RIMKLA: variants seen among roughly 807,000 people sequenced by gnomAD.
RIMKLA encodes the protein ribosomal modification protein rimK like family member A, also known as N-acetylaspartylglutamate synthase A.
A neutral mutation model predicts 32.7 loss-of-function variants in RIMKLA; 14 were observed. The observed-to-expected ratio is 0.43, with a 90% CI of 0.28 to 0.67. The LOEUF is 0.67. Among genes scored for constraint, RIMKLA ranks in the 30% least tolerant of loss-of-function variants. RIMKLA has a pLI of 0.18. For synonymous variants in RIMKLA, 176 were observed against 204.1 expected (o/e 0.86, Z 1.18); for missense variants, 410 against 519.0 (o/e 0.79, Z 2.04).
At chr1:42,412,566 C>T (rs1315536765) in intron 4 of RIMKLA, 3 of 494,182 alleles carry the variant, frequency 6.1e-6, no homozygotes, top group East Asian at 5.8e-5. Flanking sequence ...GCACATCAGA[C>T]TGGGGCTGTT....
intron 4 of RIMKLA, among the ~76,000 whole-genome samples, chr1:42,413,087 T>A (rs983157484): frequency 6.6e-6 from 1 of 151,892 alleles, no homozygotes; most frequent in African/African-American, 2.4e-5. Flanking sequence ...TGAGCCGAGA[T>A]CGTGCCATTG....
intron 3 of RIMKLA, among the ~76,000 whole-genome samples, chr1:42,408,142 A>G (rs1430471661): frequency 6.6e-6 from 1 of 152,156 alleles, no homozygotes; most frequent in African/African-American, 2.4e-5. Flanking sequence ...GAAGACAGGG[A>G]ACACTGATGC....
At chr1:42,395,166 C>T (rs1211650319) in intron 1 of RIMKLA, among the ~76,000 whole-genome samples, 1 of 152,070 alleles carries the variant, frequency 6.6e-6, no homozygotes, top group Non-Finnish European at 1.5e-5. Flanking sequence ...ATAGAGAATT[C>T]AAAAGGAAAT....
intron 1 of RIMKLA, among the ~76,000 whole-genome samples, chr1:42,383,828 C>A (rs1329883283): frequency 6.6e-6 from 1 of 152,160 alleles, no homozygotes; most frequent in African/African-American, 2.4e-5. Flanking sequence ...TAATTTCTAG[C>A]CCAGTGATAT....
intron 1 of RIMKLA, chr1:42,396,497 C>T (rs542440534): frequency 4.6e-5 from 7 of 152,272 alleles, no homozygotes; most frequent in African/African-American, 1.4e-4. Context: ...GAGATGAAGT[C>T]CTGGTAAGAC....
chr1:42,404,155 C>T (rs1643124540), intron 2 of RIMKLA, among the ~76,000 whole-genome samples: 1 of 152,186 alleles, frequency 6.6e-6, no homozygotes, highest in Admixed American at 6.5e-5. Context: ...TTGGTCCCTT[C>T]CACACTTAGA....
intron 1 of RIMKLA, among the ~76,000 whole-genome samples, chr1:42,393,213 T>A (rs1643014922): frequency 1.1e-5 from 1 of 90,766 alleles, no homozygotes; most frequent in Non-Finnish European, 2.4e-5. Context: ...TGCACTTAAA[T>A]CCTGTCTGAG....
chr1:42,385,229 C>G (rs1642926059), intron 1 of RIMKLA, among the ~76,000 whole-genome samples: 1 of 152,134 alleles, frequency 6.6e-6, no homozygotes, highest in Non-Finnish European at 1.5e-5. Flanking sequence ...GAGACTTTTA[C>G]TGCAATGAGC....
chr1:42,381,202 G>A (rs1570310790), intron 1 of RIMKLA, 105 bp downstream of exon 1: 1 of 844,854 alleles, frequency 1.2e-6, no homozygotes, highest in Non-Finnish European at 1.6e-6. Context: ...TCTCCTTCGG[G>A]CCCGCACACT....
rs751558134 is a variant in RIMKLA, at chr1:42,415,061, A to T, written c.*87A>T. ...ATAAAATCTGGACTAATGTGATTTC[A>T]TTTGCACAGAAACTAGAAATCCCAT... On this transcript the variant is annotated 3_prime_UTR_variant, in exon 5 of 5. Coordinates refer to ENST00000431473, the MANE Select transcript of RIMKLA (RefSeq NM_173642.4). 5.8e-6 allele frequency: 8 copies of T among 1,375,030 alleles called. No homozygotes were observed. The highest frequency in any genetic ancestry group is 2.3e-5 in the Admixed American group (1 of 44,078). The allele number at this position is 1,375,030 out of a possible 1,614,324, so 85.2% of individuals were successfully genotyped here.
intron 1 of RIMKLA, among the ~76,000 whole-genome samples, chr1:42,391,297 A>G (rs533483466): frequency 1.8e-4 from 28 of 152,186 alleles, no homozygotes; most frequent in Non-Finnish European, 3.2e-4. Context: ...TAAAGCTTCA[A>G]GAACAGAGGG....
intron 1 of RIMKLA, among the ~76,000 whole-genome samples, chr1:42,385,596 G>A (rs1642928900): frequency 6.6e-6 from 1 of 152,040 alleles, no homozygotes; most frequent in South Asian, 2.1e-4. Flanking sequence ...TTTAGTTTAT[G>A]TTTCTAACAG....
At chr1:42,397,331 TC>T (rs1643056199) in intron 1 of RIMKLA, among the ~76,000 whole-genome samples, 1 of 152,184 alleles carries the variant, frequency 6.6e-6, no homozygotes, top group African/African-American at 2.4e-5. Context: ...AGCACCCTTT[TC>T]CCCCTAGAAT....
chr1:42,415,810 T>C lies in RIMKLA; in HGVS notation c.*836T>C, dbSNP rs1557759739. 6.6e-6 allele frequency: 1 copy of C among 152,214 alleles called. No homozygotes were observed. The highest frequency in any genetic ancestry group is 1.5e-5 in the Non-Finnish European group (1 of 68,042). The allele number at this position is 152,214 out of a possible 1,614,324, so 9.4% of individuals were successfully genotyped here. A position where few individuals can be genotyped will look rare whatever the true frequency, so the allele number is the denominator to read the frequency against. ...GGACTTTGTTTTTCAATGGACTCTG[T>C]TCACTTGTCATCCAGAAGCCAGTGG... On this transcript the variant is annotated 3_prime_UTR_variant, in exon 5 of 5. Coordinates refer to ENST00000431473, the MANE Select transcript of RIMKLA (RefSeq NM_173642.4).
chr1:42,401,529 G>A (rs1036804701), intron 2 of RIMKLA, among the ~76,000 whole-genome samples: 4 of 152,028 alleles, frequency 2.6e-5, no homozygotes, highest in South Asian at 2.1e-4. Context: ...AGAAGCCAAC[G>A]GAGAGAGTAT....
At chr1:42,388,516 TG>T (rs553095358) in intron 1 of RIMKLA, among the ~76,000 whole-genome samples, 1 of 109,942 alleles carries the variant, frequency 9.1e-6, no homozygotes, top group Non-Finnish European at 2.0e-5. Context: ...ACTGAAAGCT[TG>T]TTTTTTTTTT....
At chr1:42,389,897 A>C (rs1642985964) in intron 1 of RIMKLA, among the ~76,000 whole-genome samples, 1 of 152,156 alleles carries the variant, frequency 6.6e-6, no homozygotes, top group Non-Finnish European at 1.5e-5. Context: ...AGCAACCCCA[A>C]TAAGAGCAGT....
rs1038063861 is a variant in RIMKLA, at chr1:42,423,184, A to G, written c.*8210A>G. On this transcript the variant is annotated 3_prime_UTR_variant, in exon 5 of 5. Coordinates refer to ENST00000431473, the MANE Select transcript of RIMKLA (RefSeq NM_173642.4). ...AGGGAGTCCAAATTGAGGTCAGAGCATCAAAGGGATAGTGCTTGATTGCTG... is the reference window on the plus strand; with the variant it reads ...AGGGAGTCCAAATTGAGGTCAGAGCGTCAAAGGGATAGTGCTTGATTGCTG... 2.0e-5 allele frequency among the ~76,000 whole-genome samples: 3 copies of G among 152,222 alleles called. No individual in the cohort carries two copies. Among genetic ancestry groups the G allele is most frequent in the African/African-American group, 7.2e-5 (3 of 41,450 alleles).
chr1:42,401,457 AAAGG>A (rs932454982), intron 2 of RIMKLA, among the ~76,000 whole-genome samples: 4 of 151,026 alleles, frequency 2.6e-5, no homozygotes, highest in African/African-American at 4.9e-5. Context: ...TCTAAAAAAA[AAAGG>A]AAGGAGGGAG....
Sources: allele counts gnomAD v4.1 joint callset (sites outside exome capture counted in the v4.1 genomes callset), GRCh38; gene constraint gnomAD v4.1.1; transcripts MANE v1.5; gene names NCBI Gene and HGNC (gene_info 2026-07-23, HGNC 2026-07-21).